The following NUF2 variants were observed in gnomAD, a reference collection of about 807,000 sequenced individuals.
NUF2 encodes kinetochore protein Nuf2.
Under a neutral mutation model 61.8 loss-of-function variants are expected in NUF2, and 34 were observed. The observed-to-expected ratio is 0.55, with a 90% CI of 0.42 to 0.73. NUF2 has a LOEUF of 0.73. Ranked by LOEUF, NUF2 falls within the 30% of genes least tolerant of loss-of-function variation. The pLI, the probability that NUF2 is intolerant of heterozygous loss-of-function variation, is 0.00. For synonymous variants in NUF2, 172 were observed against 181.6 expected (o/e 0.95, Z 0.42); for missense variants, 445 against 539.1 (o/e 0.83, Z 1.73).
chr1:163,343,993 T>C (rs900463138), intron 10 of NUF2, 123 bp downstream of exon 10: 3 of 460,572 alleles, frequency 6.5e-6, no homozygotes, highest in Non-Finnish European at 1.1e-5. Flanking sequence ...CTTAAACTTT[T>C]TTGACCTTAT....
chr1:163,324,900 CTTTTTT>C (rs67548511), intron 1 of NUF2, among the ~76,000 whole-genome samples: 1 of 122,976 alleles, frequency 8.1e-6, no homozygotes, highest in Non-Finnish European at 1.7e-5. Flanking sequence ...TCTTTTCTTT[CTTTTTT>C]TTTTTTTTTT....
Position 163,355,475 on chromosome 1 carries a change from A to C in NUF2, c.*6A>C. Reference sequence around the variant, plus strand: ...TGTTCAAAATGTCAACCTGATTAACAAAATTACATGTCTTTTTGTAAATGG... The same window carrying C: ...TGTTCAAAATGTCAACCTGATTAACCAAATTACATGTCTTTTTGTAAATGG... On this transcript the variant is annotated 3_prime_UTR_variant, in exon 14 of 14. Transcript: ENST00000271452. 6.3e-7 allele frequency: 1 copy of C among 1,581,332 alleles called. No homozygotes were observed. Among genetic ancestry groups the C allele is most frequent in the Non-Finnish European group, 8.6e-7 (1 of 1,167,244 alleles).
intron 13 of NUF2, among the ~76,000 whole-genome samples, chr1:163,354,455 T>A (rs1651423854): frequency 6.6e-6 from 1 of 152,144 alleles, no homozygotes; most frequent in Non-Finnish European, 1.5e-5. Flanking sequence ...CAAATTATAA[T>A]CTATGTAATT....
In NUF2 at chr1:163,327,497, T is replaced by C; in HGVS notation, c.133T>C (p.Leu45=). 1 of 1,608,220 alleles carries C rather than the reference T, an allele frequency of 6.2e-7. No homozygotes were observed. The highest frequency in any genetic ancestry group is 8.5e-7 in the Non-Finnish European group (1 of 1,174,992). Residue 45 remains leucine (L), a synonymous_variant, in exon 3 of 14, where the codon TTG becomes CTG. Transcript: ENST00000271452. The part of the protein sequence containing the change: ...DLYPNPKPEV[L]HMIYMRALQI... The stretch of plus-strand genomic sequence containing the variant: ...TTGTTTTTTGCTGTAGCCTGAAGTC[T>C]TGCACATGATCTACATGAGAGCCTT...
chr1:163,333,587 CTA>C (rs1386179166), intron 5 of NUF2, among the ~76,000 whole-genome samples: 7 of 151,784 alleles, frequency 4.6e-5, no homozygotes, highest in South Asian at 2.1e-4. Context: ...GGCTTATCAG[CTA>C]TATGTCTTTT....
chr1:163,350,837 T>C (rs995830655), intron 13 of NUF2, among the ~76,000 whole-genome samples: 2 of 152,170 alleles, frequency 1.3e-5, no homozygotes, highest in Non-Finnish European at 2.9e-5. Flanking sequence ...TTGTGTTCAA[T>C]GGTATAGAGT....
chr1:163,351,627 C>T (rs1651322858), intron 13 of NUF2, among the ~76,000 whole-genome samples: 1 of 152,150 alleles, frequency 6.6e-6, no homozygotes, highest in Non-Finnish European at 1.5e-5. Context: ...TTGATCAAAA[C>T]TTTGGGTACA....
At chr1:163,344,710 T>C (rs1227149679) in intron 10 of NUF2, among the ~76,000 whole-genome samples, 1 of 134,178 alleles carries the variant, frequency 7.5e-6, no homozygotes, top group East Asian at 2.1e-4. Flanking sequence ...AAAAAACATA[T>C]GTGGTTTGTG....
At position 163,355,542 on chromosome 1, in the gene NUF2, G is replaced by A. The variant is rs1651459648; in HGVS notation, c.*73G>A. 2.2e-6 allele frequency: 3 copies of A among 1,357,378 alleles called. No homozygotes were observed. Among genetic ancestry groups the A allele is most frequent in the South Asian group, 2.8e-5 (2 of 71,054 alleles). 84.1% of individuals were successfully genotyped at this position (1,357,378 alleles called of 1,614,324 possible). A position where few individuals can be genotyped will look rare whatever the true frequency, so the allele number is the denominator to read the frequency against. On this transcript the variant is annotated 3_prime_UTR_variant, in exon 14 of 14. Coordinates refer to ENST00000271452, the MANE Select transcript of NUF2 (RefSeq NM_145697.3). ...TTTCTATTTAGAAAGAAAAGTTGAAGCGAATGGAAGTATCAGAAGTACCAA... is the reference window on the plus strand; with the variant it reads ...TTTCTATTTAGAAAGAAAAGTTGAAACGAATGGAAGTATCAGAAGTACCAA...
intron 13 of NUF2, among the ~76,000 whole-genome samples, chr1:163,349,360 G>A (rs899870885): frequency 3.3e-5 from 5 of 151,986 alleles, no homozygotes; most frequent in Non-Finnish European, 7.4e-5. Context: ...TCTTTTAACT[G>A]CCAATGTCTC....
At chr1:163,323,810 A>G (rs1339280321) in intron 1 of NUF2, among the ~76,000 whole-genome samples, 1 of 152,186 alleles carries the variant, frequency 6.6e-6, no homozygotes, top group Admixed American at 6.5e-5. Flanking sequence ...ATCCTTGCTT[A>G]AGTTTCAAAT....
rs1382083759 is a variant in NUF2 at position 163,326,076 on chromosome 1, T to C, written c.25T>C (p.Tyr9His). The C allele has an allele frequency of 1.2e-6, 2 of 1,612,570 alleles. No individual in the cohort carries two copies. Among genetic ancestry groups the C allele is most frequent in the South Asian group, 1.1e-5 (1 of 90,932 alleles). The part of the protein sequence containing the change: METLSFPR[Y>H]NVAEIVIHIR... ...GATGGAAACTTTGTCTTTCCCCAGATATAATGTAGCTGAGATTGTGATTCA... is the reference window on the plus strand; with the variant it reads ...GATGGAAACTTTGTCTTTCCCCAGACATAATGTAGCTGAGATTGTGATTCA... Residue 9 changes from tyrosine (Y) to histidine (H), a missense_variant, in exon 2 of 14, where the codon TAT becomes CAT. Transcript: ENST00000271452.
intron 6 of NUF2, 79 bp from the exon 7 acceptor site, chr1:163,337,941 T>C: frequency 9.5e-7 from 1 of 1,055,420 alleles, no homozygotes; most frequent in Non-Finnish European, 1.5e-6. Flanking sequence ...TGGTTCAAAC[T>C]ATAGTATGAG....
Position 163,343,829 on chromosome 1 carries a change from GA to G in NUF2, c.772del (p.Met258Ter). The G allele has an allele frequency of 6.9e-7, 1 of 1,458,298 alleles. No homozygotes were observed. Among genetic ancestry groups the G allele is most frequent in the Non-Finnish European group, 9.1e-7 (1 of 1,101,098 alleles). 90.3% of individuals were successfully genotyped at this position (1,458,298 alleles called of 1,614,324 possible). ...DSPEKLKNYK[E>X]KMKDTVQKLK... ...TCCAGAGAAGTTAAAGAATTATAAA[GA>G]AAAAATGAAAGATACGGTCCAGAAG... On this transcript the variant is annotated frameshift_variant, in exon 10 of 14. Coordinates refer to ENST00000271452, the MANE Select transcript of NUF2 (RefSeq NM_145697.3). LOFTEE classifies it high-confidence loss of function.
intron 3 of NUF2, 80 bp downstream of exon 3, chr1:163,327,642 TGCATACTG>T: frequency 7.1e-6 from 6 of 845,684 alleles, no homozygotes; most frequent in Non-Finnish European, 1.2e-5. Context: ...CTGCTTACAA[TGCATACTG>T]GCTTTTAGGA....
chr1:163,347,900 G>C lies in NUF2; in HGVS notation c.1086G>C (p.Lys362Asn). ...LATAQFKINK[K>N]HEDVKQYKRT... ...CAGCACAATTCAAAATAAATAAGAA[G>C]CATGAAGATGTTAAGCAATACAAAC... The change falls in exon 12 of 14, where the codon AAG (lysine) becomes AAC (asparagine). Residue 362 changes from lysine (K) to asparagine (N), a missense_variant. Transcript: ENST00000271452. 1 of 1,605,930 alleles carries C rather than the reference G, an allele frequency of 6.2e-7. No individual in the cohort carries two copies.
At chr1:163,331,028 T>C (rs1219332496) in intron 5 of NUF2, among the ~76,000 whole-genome samples, 2 of 73,762 alleles carry the variant, frequency 2.7e-5, no homozygotes, top group Non-Finnish European at 6.3e-5. Flanking sequence ...TTTTATTCTT[T>C]TTTTTTTTTT....
intron 3 of NUF2, chr1:163,327,849 A>G (rs1650477586): frequency 7.6e-6 from 3 of 394,650 alleles, no homozygotes; most frequent in Non-Finnish European, 1.3e-5. Flanking sequence ...GTTTGTTTTC[A>G]GAGACTACAA....
chr1:163,344,781 G>A (rs1020452409), intron 10 of NUF2, among the ~76,000 whole-genome samples: 1 of 151,704 alleles, frequency 6.6e-6, no homozygotes, highest in African/African-American at 2.4e-5. Flanking sequence ...ACTAGACAAA[G>A]ATCACCAGAA....
Sources: gnomAD v4.1 joint callset for allele counts (sites outside exome capture counted in the v4.1 genomes callset) on GRCh38, gnomAD v4.1.1 for gene constraint, MANE v1.5 for transcripts, NCBI Gene and HGNC (gene_info 2026-07-23, HGNC 2026-07-21) for gene names.